Variants in RSPO1 observed in about 807,000 individuals in gnomAD.
RSPO1 encodes R-spondin 1.
In RSPO1, 18 loss-of-function variants were observed where a neutral mutation model predicts 26.0. That is an observed-to-expected ratio of 0.69 (90% CI 0.48 to 1.03). The LOEUF (loss-of-function observed/expected upper bound fraction) is 1.03, where lower values mean the gene tolerates loss of function less well. Ranked by LOEUF, RSPO1 falls within the 50% of genes least tolerant of loss-of-function variation. The pLI, the probability that RSPO1 is intolerant of heterozygous loss-of-function variation, is 0.00. For missense variants in RSPO1, 309 were observed against 352.3 expected (o/e 0.88, Z 0.98); for synonymous variants, 133 against 137.4 (o/e 0.97, Z 0.22).
intron 4 of RSPO1, 114 bp from the exon 5 acceptor site, chr1:37,614,447 C>T: frequency 8.2e-7 from 1 of 1,214,494 alleles, no homozygotes; most frequent in African/African-American, 1.5e-5. Context: ...GAGGGCAGGA[C>T]CCTGGCCTAG....
Position 37,614,252 on chromosome 1 carries a change from C to T in RSPO1, c.368G>A (p.Gly123Asp). The change falls in exon 5 of 7, where the codon GGC (glycine) becomes GAC (aspartate). Residue 123 changes from glycine to aspartate, a missense_variant. Coordinates refer to ENST00000356545, the MANE Select transcript of RSPO1 (RefSeq NM_001242908.2). ...CTCGGGACAAGCTGGATAGCAGCGG[C>T]CCTTGTGCAGGTACAAGCCCTCCTT... is the stretch of plus-strand genomic sequence containing the variant. ...KCKEGLYLHK[G>D]RCYPACPEGS... 1 of 1,613,786 alleles carries T rather than the reference C, an allele frequency of 6.2e-7. No individual in the cohort carries two copies. Among genetic ancestry groups the T allele is most frequent in the African/African-American group, 1.3e-5 (1 of 75,046 alleles).
In RSPO1 at chr1:37,611,584, C is replaced by G. The variant is rs1644025783; in HGVS notation, c.*1171G>C. ...CTAGTCCAGAGCCTGGCACACACTT[C>G]AGAATGCCACAAGGAGTTATTCCAT... On this transcript the variant is annotated 3_prime_UTR_variant, in exon 7 of 7. Transcript: ENST00000356545. The G allele has an allele frequency of 2.0e-5, 3 of 152,384 alleles. No homozygotes were observed. Among genetic ancestry groups the G allele is most frequent in the Non-Finnish European group, 4.4e-5 (3 of 68,134 alleles). The allele number at this position is 152,384 out of a possible 1,614,324, so 9.4% of individuals were successfully genotyped here.
At chr1:37,614,462 G>T in intron 4 of RSPO1, 129 bp from the exon 5 acceptor site, 1 of 979,200 alleles carries the variant, frequency 1.0e-6, no homozygotes, top group Non-Finnish European at 1.6e-6. Context: ...GCCTAGAGCT[G>T]CAGGTACTGC....
chr1:37,629,597 C>T lies in RSPO1; in HGVS notation c.65G>A (p.Arg22Gln), dbSNP rs776558926. 2.9e-5 allele frequency: 47 copies of T among 1,614,046 alleles called. No homozygotes were observed. Among genetic ancestry groups the T allele is most frequent in the Admixed American group, 1.0e-4 (6 of 60,004 alleles). ...LSWTHLTISS[R>Q]GIKGKRQRRI... ...CCTCTGCCTTTTCCCCTTGATCCCC[C>T]GGCTGCTGATGGTGAGGTGCGTCCA... Residue 22 changes from arginine to glutamine, a missense_variant, in exon 3 of 7, where the codon CGG becomes CAG. Arg to Gln is a conservative substitution (Grantham distance 43). Coordinates refer to ENST00000356545, the MANE Select transcript of RSPO1 (RefSeq NM_001242908.2).
chr1:37,630,031 T>A (rs775363509), intron 2 of RSPO1, 82 bp from the exon 3 acceptor site: 1 of 684,466 alleles, frequency 1.5e-6, no homozygotes, highest in African/African-American at 1.8e-5. Context: ...CCCAGAAGAC[T>A]GGGAGCTCAA....
Position 37,614,182 on chromosome 1 carries a change from A to T in RSPO1, c.436+2T>A. The T allele has an allele frequency of 6.2e-7, 1 of 1,612,414 alleles. No homozygotes were observed. The highest frequency in any genetic ancestry group is 8.5e-7 in the Non-Finnish European group (1 of 1,179,904). ...CTGCCCACAGTGCCTGCCATGGCTT[A>T]CCAGGACTACTGCACTCCATGGTGC... On this transcript the variant is annotated splice_donor_variant, in intron 5 of 6. Transcript: ENST00000356545. LOFTEE classifies it high-confidence loss of function.
intron 4 of RSPO1, among the ~76,000 whole-genome samples, chr1:37,615,626 C>A (rs1000410051): frequency 6.6e-6 from 1 of 152,226 alleles, no homozygotes; most frequent in Non-Finnish European, 1.5e-5. Context: ...ATGAGACCTG[C>A]AAATGCATTC....
chr1:37,619,004 C>T (rs1177428169), intron 3 of RSPO1, among the ~76,000 whole-genome samples: 2 of 152,086 alleles, frequency 1.3e-5, no homozygotes, highest in Non-Finnish European at 2.9e-5. Flanking sequence ...GGTGGATCAC[C>T]TGAGGTCAGG....
rs1225784086 is a variant in RSPO1, at chr1:37,629,647, C to T, written c.15G>A (p.Leu5=). ...AGCTCAGAACCAGGGCCACCACACA[C>T]AGCCCAAGCCGCATAGTCACGCGCC... MRLG[L]CVVALVLSWT... The change falls in exon 3 of 7, where the codon CTG becomes CTA. Residue 5 remains leucine (L), a synonymous_variant. Coordinates refer to ENST00000356545, the MANE Select transcript of RSPO1 (RefSeq NM_001242908.2). The T allele has an allele frequency of 1.2e-6, 2 of 1,614,050 alleles. No individual in the cohort carries two copies. The highest frequency in any genetic ancestry group is 2.2e-5 in the East Asian group (1 of 44,878).
rs56125415 is a variant in RSPO1, at chr1:37,627,647, CACAAAACAAAACAAAACAAA to C, written c.94+1901_94+1920del. Among the ~76,000 whole-genome samples the C allele has an allele frequency of 1.2e-3, 181 of 148,564 alleles. 1 individual carries two copies. Among genetic ancestry groups the C allele is most frequent in the Non-Finnish European group, 1.5e-3 (101 of 67,194 alleles). On this transcript the variant is annotated intron_variant, in intron 3 of 6. Coordinates refer to ENST00000356545, the MANE Select transcript of RSPO1 (RefSeq NM_001242908.2). Reference sequence around the variant, plus strand: ...CCTGGGTGACAGAGCAAGACTCCATCACAAAACAAAACAAAACAAAACAAAACAAAACAAAACAAAACAAA... The same window carrying C: ...CCTGGGTGACAGAGCAAGACTCCATCACAAAACAAAACAAAACAAAACAAA...
chr1:37,626,165 C>T (rs1644273503), intron 3 of RSPO1, among the ~76,000 whole-genome samples: 1 of 152,178 alleles, frequency 6.6e-6, no homozygotes, highest in Non-Finnish European at 1.5e-5. Context: ...CCAAACTCCT[C>T]AGCCTGGCAG....
chr1:37,614,445 G>A, intron 4 of RSPO1, 112 bp from the exon 5 acceptor site: 3 of 1,234,038 alleles, frequency 2.4e-6, no homozygotes, highest in Non-Finnish European at 3.5e-6. Context: ...TGGAGGGCAG[G>A]ACCCTGGCCT....
intron 3 of RSPO1, among the ~76,000 whole-genome samples, chr1:37,620,629 AAAT>A (rs56294873): frequency 0.016 from 2,281 of 146,062 alleles, 37 homozygotes; most frequent in African/African-American, 0.045. Context: ...CTCTGTCTCA[AAAT>A]AATAATAATA....
Position 37,613,504 on chromosome 1 carries a change from A to G in RSPO1, c.625+200T>C, listed in dbSNP as rs1279903839. 1.3e-5 allele frequency among the ~76,000 whole-genome samples: 2 copies of G among 152,242 alleles called. No individual in the cohort carries two copies. Among genetic ancestry groups the G allele is most frequent in the Non-Finnish European group, 2.9e-5 (2 of 68,040 alleles). Reference sequence around the variant, plus strand: ...TTGACCACAGAAGCTTCCAGCTTCCACTATGCAGAGTTCTGAGGCCCTGTT... The same window carrying G: ...TTGACCACAGAAGCTTCCAGCTTCCGCTATGCAGAGTTCTGAGGCCCTGTT... On this transcript the variant is annotated intron_variant, in intron 6 of 6. Transcript: ENST00000356545. This position sits in a 1 kb window ranked among gnomAD's most constrained non-coding sequence, Gnocchi z 4.5.
rs1644331191 is a variant in RSPO1 at position 37,629,848 on chromosome 1, C to T, written c.-187G>A. On this transcript the variant is annotated 5_prime_UTR_variant, in exon 3 of 7. Coordinates refer to ENST00000356545, the MANE Select transcript of RSPO1 (RefSeq NM_001242908.2). The stretch of plus-strand genomic sequence containing the variant: ...TGTGGGGAGCCCAGTTCTCCATCAG[C>T]TCAAAGGGAGGTCCTCAAAGAGAGA... 3 of 1,550,810 alleles carry T rather than the reference C, an allele frequency of 1.9e-6. No homozygotes were observed. Among genetic ancestry groups the T allele is most frequent in the Middle Eastern group, 1.7e-4 (1 of 6,006 alleles).
chr1:37,621,588 G>A (rs1380003389), intron 3 of RSPO1, among the ~76,000 whole-genome samples: 2 of 152,070 alleles, frequency 1.3e-5, no homozygotes, highest in Non-Finnish European at 2.9e-5. Flanking sequence ...CCCTGGGAGA[G>A]GGACCACAGG....
chr1:37,619,310 T>C (rs1329989852), intron 3 of RSPO1, among the ~76,000 whole-genome samples: 1 of 152,010 alleles, frequency 6.6e-6, no homozygotes, highest in Admixed American at 6.5e-5. Flanking sequence ...AAAATCAGAA[T>C]AGAGATGGTG....
chr1:37,616,745 A>C (rs534913051), intron 3 of RSPO1, 70 bp from the exon 4 acceptor site: 2 of 1,364,336 alleles, frequency 1.5e-6, no homozygotes, highest in Non-Finnish European at 2.1e-6. Flanking sequence ...TCTGACAAGG[A>C]TGGGAAGTGA....
intron 4 of RSPO1, 125 bp downstream of exon 4, chr1:37,616,359 G>A: frequency 1.2e-6 from 1 of 822,480 alleles, no homozygotes; most frequent in Admixed American, 2.3e-5. Context: ...ACTTGAATCG[G>A]AGCCTCATCT....
Sources: gnomAD v4.1 joint callset for allele counts (sites outside exome capture counted in the v4.1 genomes callset) on GRCh38, gnomAD v4.1.1 for gene constraint, Gnocchi (gnomAD v3.1) non-coding constraint, MANE v1.5 for transcripts, NCBI Gene and HGNC (gene_info 2026-07-23, HGNC 2026-07-21) for gene names.